Variants in PC observed in about 807,000 individuals in gnomAD.
The protein encoded by PC is pyruvate carboxylase, mitochondrial.
Under a neutral mutation model 107.8 loss-of-function variants are expected in PC, and 46 were observed. The ratio of observed to expected loss-of-function variants is 0.43; its 90% confidence interval spans 0.34 to 0.55. The LOEUF is 0.55. Among genes scored for constraint, PC ranks in the 20% least tolerant of loss-of-function variants. The probability of loss-of-function intolerance (pLI) is 0.04; values close to 1 mark genes in which losing one functional copy is unlikely to be tolerated. For missense variants in PC, 1,241 were observed against 1,643.1 expected, an observed-to-expected ratio of 0.76 and a Z score of 4.23; for synonymous variants, 662 against 684.7, an observed-to-expected ratio of 0.97 and a Z score of 0.52.
intron 16 of PC, 69 bp downstream of exon 16, chr11:66,851,721 C>T (rs1945500377): frequency 6.7e-7 from 1 of 1,502,496 alleles, no homozygotes. Flanking sequence ...GAACAGAGGC[C>T]ATCACGACAT....
At chr11:66,912,768 A>G (rs1009420155) in intron 3 of PC, among the ~76,000 whole-genome samples, 1 of 152,186 alleles carries the variant, frequency 6.6e-6, no homozygotes, top group African/African-American at 2.4e-5. Context: ...CAGCAAGGGA[A>G]GAGGACGGCA....
intron 12 of PC, among the ~76,000 whole-genome samples, chr11:66,861,808 C>A (rs368033047): frequency 2.2e-4 from 34 of 152,194 alleles, no homozygotes; most frequent in African/African-American, 7.9e-4. Context: ...CTGCTGCTGG[C>A]CCCGTGGTCA....
Position 66,857,757 on chromosome 11 carries a change from C to T in PC, c.1369-4374G>A. 1 of 1,593,766 alleles carries T rather than the reference C, an allele frequency of 6.3e-7. No homozygotes were observed. Among genetic ancestry groups the T allele is most frequent in the African/African-American group, 1.3e-5 (1 of 74,902 alleles). Reference sequence around the variant, plus strand: ...CAGGGCGCTCACCATGGCCCCGCCGCTCCTGCTGCTGCTGCTGGCCAGTGG... The same window carrying T: ...CAGGGCGCTCACCATGGCCCCGCCGTTCCTGCTGCTGCTGCTGGCCAGTGG... On this transcript the variant is annotated intron_variant, in intron 12 of 22. Transcript: ENST00000393960. The surrounding 1 kb of genome is among the most constrained non-coding windows in gnomAD (Gnocchi z 7.1).
In PC at chr11:66,860,215, G is replaced by A. The variant is rs751634481; in HGVS notation, c.1368+3559C>T. ...GTGTGATGGACGGGCAGCTTCCTGT[G>A]TGCTCCAAGGGATGAGCCTCGTGGG... On this transcript the variant is annotated intron_variant, in intron 12 of 22. Transcript: ENST00000393960. 26 of 1,541,292 alleles carry A rather than the reference G, an allele frequency of 1.7e-5. No homozygotes were observed. In the East Asian group the frequency reaches 6.1e-4, roughly 36 times the overall value.
intron 12 of PC, among the ~76,000 whole-genome samples, chr11:66,854,571 CTG>C (rs1156261166): frequency 1.3e-5 from 2 of 152,192 alleles, no homozygotes; most frequent in Non-Finnish European, 2.9e-5. Flanking sequence ...CGAGCCAGCA[CTG>C]TGACAGGTGC....
intron 2 of PC, among the ~76,000 whole-genome samples, chr11:66,953,669 A>C (rs954581500): frequency 6.6e-6 from 1 of 152,180 alleles, no homozygotes; most frequent in African/African-American, 2.4e-5. Flanking sequence ...TCAATAAAAT[A>C]TTTATTGAGC....
chr11:66,935,733 G>C (rs971643203), intron 3 of PC, among the ~76,000 whole-genome samples: 1 of 152,070 alleles, frequency 6.6e-6, no homozygotes, highest in African/African-American at 2.4e-5. Flanking sequence ...TCTGAACCTC[G>C]GGTCTGTCAT....
At chr11:66,933,137 T>C (rs1000605658) in intron 3 of PC, among the ~76,000 whole-genome samples, 8 of 152,174 alleles carry the variant, frequency 5.3e-5, no homozygotes, top group African/African-American at 1.9e-4. Flanking sequence ...AGGCGAAAGC[T>C]CCAAGTACCC....
chr11:66,870,873 G>A lies in PC; in HGVS notation c.653C>T (p.Thr218Ile). Residue 218 changes from threonine (T) to isoleucine (I), a missense_variant, in exon 8 of 23, where the codon ACC (threonine) becomes ATC (isoleucine). Around this residue, in one of 2 missense-constraint regions of PC, gnomAD observed 1,143 missense variants for 1,551.9 expected, o/e 0.74. Coordinates refer to ENST00000393960, the MANE Select transcript of PC (RefSeq NM_001040716.2). The surrounding 1 kb of genome is among the most constrained non-coding windows in gnomAD (Gnocchi z 6.1). Reference protein sequence around the residue: ...HSYEELEENYTRAYSEALAAF... With the variant: ...HSYEELEENYIRAYSEALAAF... ...GGCCAGAGCCTCTGAGTAGGCCCGG[G>A]TGTAATTCTCCTCCAGCTCCTGCGA... The A allele has an allele frequency of 6.2e-7, 1 of 1,613,236 alleles. No homozygotes were observed.
intron 3 of PC, among the ~76,000 whole-genome samples, chr11:66,928,025 G>A (rs2136105653): frequency 6.6e-6 from 1 of 152,236 alleles, no homozygotes; most frequent in Non-Finnish European, 1.5e-5. Flanking sequence ...AAGCCACAAA[G>A]GGACGTGTGG....
intron 3 of PC, among the ~76,000 whole-genome samples, chr11:66,916,784 C>T (rs1175572022): frequency 1.3e-5 from 2 of 151,810 alleles, no homozygotes; most frequent in South Asian, 4.2e-4. Context: ...GAAACCCCGT[C>T]TCTACTAAAA....
intron 3 of PC, among the ~76,000 whole-genome samples, chr11:66,891,597 G>A (rs540157014): frequency 6.6e-6 from 1 of 151,638 alleles, no homozygotes; most frequent in Non-Finnish European, 1.5e-5. Flanking sequence ...TCACCACGTT[G>A]GTCAGGCTGG....
intron 12 of PC, among the ~76,000 whole-genome samples, chr11:66,855,064 G>A (rs909591405): frequency 5.9e-5 from 9 of 152,256 alleles, no homozygotes; most frequent in Non-Finnish European, 1.2e-4. Flanking sequence ...CACGGGCAGG[G>A]CTGAGCGCAG....
At chr11:66,856,433 G>A (rs993341298) in intron 12 of PC, among the ~76,000 whole-genome samples, 1 of 151,894 alleles carries the variant, frequency 6.6e-6, no homozygotes, top group South Asian at 2.1e-4. Context: ...CGGGGGCGGG[G>A]CGCCTGCCCG....
intron 3 of PC, among the ~76,000 whole-genome samples, chr11:66,921,108 C>G (rs1483130634): frequency 3.3e-5 from 5 of 152,106 alleles, no homozygotes; most frequent in Admixed American, 3.3e-4. Context: ...TGGCCCTTGG[C>G]TCAACGGCCA....
chr11:66,850,207 G>A lies in PC; in HGVS notation c.2718+13C>T, dbSNP rs778646948. The A allele has an allele frequency of 4.7e-5, 76 of 1,613,706 alleles. No individual in the cohort carries two copies. Among genetic ancestry groups the A allele is most frequent in the Non-Finnish European group, 6.2e-5 (73 of 1,180,020 alleles). Reference sequence around the variant, plus strand: ...AGGGCTGGGTCAGGTAAGGAGCACCGGGCCGGGCTCACCTTGATGAGATCG... The same window carrying A: ...AGGGCTGGGTCAGGTAAGGAGCACCAGGCCGGGCTCACCTTGATGAGATCG... On this transcript the variant is annotated intron_variant, in intron 19 of 22. Transcript: ENST00000393960.
Position 66,870,561 on chromosome 11 carries a change from C to T in PC, c.752-108G>A, listed in dbSNP as rs910777584. 1.3e-5 allele frequency: 18 copies of T among 1,340,304 alleles called. No homozygotes were observed. The highest frequency in any genetic ancestry group is 2.4e-5 in the South Asian group (2 of 83,550). 83.0% of individuals were successfully genotyped at this position (1,340,304 alleles called of 1,614,324 possible). On this transcript the variant is annotated intron_variant, in intron 8 of 22. Coordinates refer to ENST00000393960, the MANE Select transcript of PC (RefSeq NM_001040716.2). The surrounding 1 kb of genome is among the most constrained non-coding windows in gnomAD (Gnocchi z 6.1). Reference sequence around the variant, plus strand: ...GTCGCCAGTCAGTGCCGGCTGCCAGCGGTACAGAGGCTGCCAGGAGAGACA... The same window carrying T: ...GTCGCCAGTCAGTGCCGGCTGCCAGTGGTACAGAGGCTGCCAGGAGAGACA...
intron 10 of PC, among the ~76,000 whole-genome samples, chr11:66,867,862 G>C (rs952709683): frequency 3.9e-5 from 6 of 152,208 alleles, no homozygotes; most frequent in Admixed American, 1.3e-4. Flanking sequence ...CCATGCCCCC[G>C]GCGAGCCACA....
At chr11:66,850,199 G>A in intron 19 of PC, 21 bp downstream of exon 19, 1 of 1,613,836 alleles carries the variant, frequency 6.2e-7, no homozygotes, top group South Asian at 1.1e-5. Flanking sequence ...GGTCAGGTAA[G>A]GAGCACCGGG....
Sources: allele counts gnomAD v4.1 joint callset (sites outside exome capture counted in the v4.1 genomes callset), GRCh38; gene constraint gnomAD v4.1.1; regional missense constraint gnomAD v4.1.1; non-coding constraint Gnocchi (gnomAD v3.1); transcripts MANE v1.5; gene names NCBI Gene and HGNC (gene_info 2026-07-23, HGNC 2026-07-21).